Variants in TNFSF4 observed in about 807,000 individuals in gnomAD.
TNFSF4 encodes tumor necrosis factor ligand superfamily member 4.
A neutral mutation model predicts 7.3 loss-of-function variants in TNFSF4; 4 were observed. That is an observed-to-expected ratio of 0.55 (90% CI 0.27 to 1.25). The LOEUF (loss-of-function observed/expected upper bound fraction) is 1.25. TNFSF4 is among the 50% of genes most tolerant of loss of function. The pLI is 0.12. For missense variants in TNFSF4, 181 were observed against 208.8 expected, an observed-to-expected ratio of 0.87 and a Z score of 0.82; for synonymous variants, 76 against 83.7, an observed-to-expected ratio of 0.91 and a Z score of 0.50.
At chr1:173,180,579 AACT>A (rs899525861), downstream of TNFSF4, among the ~76,000 whole-genome samples, 1 of 152,184 alleles carries the variant, frequency 6.6e-6, no homozygotes, top group Admixed American at 6.5e-5. Context: ...CCTTTTCAAA[AACT>A]ACTATTTATT....
At chr1:173,442,545 G>GTTTTTTTTTTTTTTTTTTTTTTTTTTTTT in the TNFSF4 span, among the ~76,000 whole-genome samples, 5 of 93,452 alleles carry the variant, frequency 5.4e-5, 2 homozygotes, top group African/African-American at 1.1e-4. Context: ...TTTCGTTTTT[G>GTTTTTTTTTTTTTTTTTTTTTTTTTTTTT]TTTTTGTTTT....
chr1:173,372,103 A>G, the TNFSF4 span, among the ~76,000 whole-genome samples: 2 of 152,222 alleles, frequency 1.3e-5, no homozygotes, highest in Admixed American at 6.5e-5. Flanking sequence ...TCTAAATTGA[A>G]GGCCCAGCTC....
chr1:173,396,170 T>A, the TNFSF4 span, among the ~76,000 whole-genome samples: 1 of 152,172 alleles, frequency 6.6e-6, no homozygotes, highest in Non-Finnish European at 1.5e-5. Flanking sequence ...TTGAGTTTTC[T>A]CATTTATACA....
the TNFSF4 span, among the ~76,000 whole-genome samples, chr1:173,336,750 G>A: frequency 6.6e-6 from 1 of 152,110 alleles, no homozygotes; most frequent in African/African-American, 2.4e-5. Context: ...GCACATCAGA[G>A]GGTGGGAAAT....
At chr1:173,262,481 G>A in the TNFSF4 span, among the ~76,000 whole-genome samples, 1 of 151,968 alleles carries the variant, frequency 6.6e-6, no homozygotes, top group African/African-American at 2.4e-5. Context: ...TTCTGGCCAG[G>A]GCAATCAGGC....
At chr1:173,291,997 AT>A in the TNFSF4 span, among the ~76,000 whole-genome samples, 12 of 151,500 alleles carry the variant, frequency 7.9e-5, no homozygotes, top group African/African-American at 2.4e-5. Context: ...ATAAAAAAAA[AT>A]CTACCAACAA....
chr1:173,368,597 G>A, the TNFSF4 span, among the ~76,000 whole-genome samples: 1 of 152,146 alleles, frequency 6.6e-6, no homozygotes, highest in Non-Finnish European at 1.5e-5. Context: ...TGACTCTTTG[G>A]AGTTGGGAGC....
the TNFSF4 span, among the ~76,000 whole-genome samples, chr1:173,334,844 T>A: frequency 1.3e-5 from 2 of 152,102 alleles, no homozygotes; most frequent in Non-Finnish European, 2.9e-5. Context: ...TCCCACCACC[T>A]CTTCGCTTCT....
At chr1:173,340,429 G>T in the TNFSF4 span, among the ~76,000 whole-genome samples, 44 of 151,262 alleles carry the variant, frequency 2.9e-4, no homozygotes, top group African/African-American at 1.1e-3. Flanking sequence ...AAGAGAAATT[G>T]TATAGCAGGA....
At chr1:173,350,790 A>G in the TNFSF4 span, among the ~76,000 whole-genome samples, 3 of 152,188 alleles carry the variant, frequency 2.0e-5, no homozygotes, top group Non-Finnish European at 4.4e-5. Flanking sequence ...CAATGAGTCA[A>G]CCTCAAAATA....
At chr1:173,281,704 C>G in the TNFSF4 span, among the ~76,000 whole-genome samples, 1 of 152,132 alleles carries the variant, frequency 6.6e-6, no homozygotes, top group South Asian at 2.1e-4. Flanking sequence ...TGTTGGCTTG[C>G]TTCTACAGCT....
chr1:173,330,613 T>C, the TNFSF4 span, among the ~76,000 whole-genome samples: 1 of 152,096 alleles, frequency 6.6e-6, no homozygotes, highest in Non-Finnish European at 1.5e-5. Flanking sequence ...GCTCCTGAAA[T>C]ACAGTAGAGC....
the TNFSF4 span, among the ~76,000 whole-genome samples, chr1:173,233,725 G>C: frequency 2.0e-5 from 3 of 152,072 alleles, no homozygotes; most frequent in Admixed American, 1.3e-4. Context: ...TGAAAAATTC[G>C]AAAGACTATT....
the TNFSF4 span, among the ~76,000 whole-genome samples, chr1:173,410,061 T>C: frequency 6.6e-6 from 1 of 152,092 alleles, no homozygotes; most frequent in African/African-American, 2.4e-5. Context: ...GCCCAGGAGT[T>C]TGAGACCAGC....
At chr1:173,211,377 C>T (rs910693995), upstream of TNFSF4, among the ~76,000 whole-genome samples, 1 of 152,220 alleles carries the variant, frequency 6.6e-6, no homozygotes, top group Non-Finnish European at 1.5e-5. Context: ...CAAGAATCAA[C>T]TTTGAATCAT....
At chr1:173,212,772 C>T in the TNFSF4 span, among the ~76,000 whole-genome samples, 19 of 151,900 alleles carry the variant, frequency 1.3e-4, no homozygotes, top group African/African-American at 3.1e-4. Context: ...ACATTACATG[C>T]CTGTATCAAA....
At chr1:173,190,759 G>A (rs888940180) in intron 1 of TNFSF4, among the ~76,000 whole-genome samples, 5 of 152,190 alleles carry the variant, frequency 3.3e-5, no homozygotes, top group South Asian at 2.1e-4. Context: ...GAATTGCCAC[G>A]TGCTAAAGTT....
At chr1:173,243,845 C>A in the TNFSF4 span, among the ~76,000 whole-genome samples, 1 of 152,180 alleles carries the variant, frequency 6.6e-6, no homozygotes, top group African/African-American at 2.4e-5. Context: ...GCAGTCCCCT[C>A]TTTTATGTCT....
chr1:173,391,204 C>A, the TNFSF4 span, among the ~76,000 whole-genome samples: 1 of 151,604 alleles, frequency 6.6e-6, no homozygotes, highest in Non-Finnish European at 1.5e-5. Context: ...GCACATTCTT[C>A]CTCTGGTCCT....
Sources: gnomAD v4.1 joint callset for allele counts (sites outside exome capture counted in the v4.1 genomes callset) on GRCh38, gnomAD v4.1.1 for gene constraint, MANE v1.5 for transcripts, NCBI Gene and HGNC (gene_info 2026-07-23, HGNC 2026-07-21) for gene names.